C21orf58: variants seen among roughly 807,000 people sequenced by gnomAD.
The protein encoded by C21orf58 is uncharacterized protein C21orf58.
In C21orf58, 34 loss-of-function variants were observed where a neutral mutation model predicts 35.8. That is an observed-to-expected ratio of 0.95 (90% CI 0.72 to 1.26). The LOEUF (loss-of-function observed/expected upper bound fraction) is 1.26. Ranked by LOEUF, C21orf58 falls within the 50% of genes most tolerant of loss-of-function variation. C21orf58 has a pLI of 0.00. For missense variants in C21orf58, 440 were observed against 414.3 expected (o/e 1.06, Z -0.54); for synonymous variants, 191 against 175.8 (o/e 1.09, Z -0.68).
chr21:46,318,782 C>T (rs1022397392), intron 1 of C21orf58: 51 of 988,308 alleles, frequency 5.2e-5, no homozygotes, highest in Admixed American at 6.0e-5. Context: ...GGATATGTCC[C>T]ACCTTGGGGC....
chr21:46,300,899 A>C (rs947010791), downstream of C21orf58: 4 of 961,168 alleles, frequency 4.2e-6, no homozygotes, highest in African/African-American at 6.9e-5. Flanking sequence ...AGTAACAAAA[A>C]GTAAAGAAAA....
At chr21:46,302,360 C>CA in intron 7 of C21orf58, 125 bp downstream of exon 7, 1 of 1,084,042 alleles carries the variant, frequency 9.2e-7, no homozygotes, top group Non-Finnish European at 1.3e-6. Context: ...GGGGGCTTCA[C>CA]AGCCAGACTG....
rs150663206 is a variant in C21orf58 at position 46,306,377 on chromosome 21, T to A, written c.722-3801A>T. Among the ~76,000 whole-genome samples the A allele has an allele frequency of 8.1e-3, 1,238 of 152,130 alleles. 19 individuals carry two copies. The highest frequency in any genetic ancestry group is 0.028 in the African/African-American group (1,171 of 41,514). ...AGCTGGGCATGGTGGCACACGCCTG[T>A]AGTCCCAGCTACTTGGGAGGCTGAG... is the stretch of plus-strand genomic sequence containing the variant. On this transcript the variant is annotated intron_variant, in intron 6 of 7. Transcript: ENST00000291691.
At position 46,318,074 on chromosome 21, in the gene C21orf58, TG is replaced by T; in HGVS notation, c.246del (p.Thr83ProfsTer11). 6.2e-7 allele frequency: 1 copy of T among 1,613,330 alleles called. No homozygotes were observed. The highest frequency in any genetic ancestry group is 8.5e-7 in the Non-Finnish European group (1 of 1,179,986). On this transcript the variant is annotated frameshift_variant, in exon 2 of 8. Coordinates refer to ENST00000291691, the MANE Select transcript of C21orf58 (RefSeq NM_058180.5). LOFTEE classifies it high-confidence loss of function. Reference protein sequence around the residue: ...PLPLQSSPAAPTMLDSSAAEQ... With the variant: ...PLPLQSSPAAXTMLDSSAAEQ... Reference sequence around the variant, plus strand: ...TCTGCTGCTGATGAGTCCAGCATGGTGGGAGCTGCAGGAGACGACTGTAGGG... The same window carrying T: ...TCTGCTGCTGATGAGTCCAGCATGGTGGAGCTGCAGGAGACGACTGTAGGG...
rs1258268276 is a variant in C21orf58 at position 46,301,968 on chromosome 21, G to A, written c.*31C>T. On this transcript the variant is annotated 3_prime_UTR_variant, in exon 8 of 8. Coordinates refer to ENST00000291691, the MANE Select transcript of C21orf58 (RefSeq NM_058180.5). ...CCCTGAGGAAGCCTGGGGGTGGAGGGTGCCCCGGCCAGGGTCTCTGTGACT... is the reference window on the plus strand; with the variant it reads ...CCCTGAGGAAGCCTGGGGGTGGAGGATGCCCCGGCCAGGGTCTCTGTGACT... The A allele has an allele frequency of 1.3e-6, 2 of 1,486,128 alleles. No individual in the cohort carries two copies. The highest frequency in any genetic ancestry group is 1.8e-6 in the Non-Finnish European group (2 of 1,118,758). The allele number at this position is 1,486,128 out of a possible 1,614,324, so 92.1% of individuals were successfully genotyped here.
intron 5 of C21orf58, among the ~76,000 whole-genome samples, chr21:46,312,099 C>T (rs796827200): frequency 2.4e-4 from 37 of 152,204 alleles, no homozygotes; most frequent in African/African-American, 8.4e-4. Flanking sequence ...ATCCAACCAG[C>T]CAACCATCTA....
intron 6 of C21orf58, among the ~76,000 whole-genome samples, chr21:46,310,482 C>CAA (rs1569126386): frequency 1.6e-5 from 2 of 126,748 alleles, no homozygotes; most frequent in African/African-American, 7.6e-5. Context: ...TGTCTCAGAA[C>CAA]AAAAAAAATA....
At chr21:46,315,103 C>T in intron 4 of C21orf58, 1 of 1,320,760 alleles carries the variant, frequency 7.6e-7, no homozygotes, top group Non-Finnish European at 1.0e-6. Flanking sequence ...TTTTTCCAGC[C>T]CCAGGGTCTG....
intron 5 of C21orf58, among the ~76,000 whole-genome samples, chr21:46,313,846 T>C (rs527781126): frequency 6.6e-6 from 1 of 152,270 alleles, no homozygotes; most frequent in East Asian, 1.9e-4. Flanking sequence ...TCTGCTGCCC[T>C]GTCTAGAAAT....
In C21orf58 at chr21:46,301,394, G is replaced by A; in HGVS notation, c.*605C>T. 1 of 779,310 alleles carries A rather than the reference G, an allele frequency of 1.3e-6. No homozygotes were observed. The highest frequency in any genetic ancestry group is 1.6e-6 in the Non-Finnish European group (1 of 641,918). 48.3% of individuals were successfully genotyped at this position (779,310 alleles called of 1,614,324 possible). ...ATTCCTGAGCTCAAGTGATCCTCCT[G>A]CCTCAGCCTCTTAAAGTGCTGGGAT... is the stretch of plus-strand genomic sequence containing the variant. On this transcript the variant is annotated 3_prime_UTR_variant, in exon 8 of 8. Transcript: ENST00000291691.
chr21:46,300,604 G>C, downstream of C21orf58: 1 of 1,163,726 alleles, frequency 8.6e-7, no homozygotes, highest in Non-Finnish European at 1.1e-6. Context: ...GTTACTGCCA[G>C]TAGCTGCGCT....
chr21:46,308,229 G>A (rs562390695), intron 6 of C21orf58, among the ~76,000 whole-genome samples: 83 of 152,128 alleles, frequency 5.5e-4, no homozygotes, highest in Non-Finnish European at 9.0e-4. Context: ...TTGGGAGGCC[G>A]AAGGGGGCAG....
chr21:46,315,294 AG>A, intron 4 of C21orf58, 179 bp downstream of exon 4: 1 of 600,046 alleles, frequency 1.7e-6, no homozygotes. Flanking sequence ...CAACATTTCC[AG>A]TCCTGATGGA....
At chr21:46,321,070 TTA>T (rs1008867601) in intron 1 of C21orf58, among the ~76,000 whole-genome samples, 82 of 152,054 alleles carry the variant, frequency 5.4e-4, no homozygotes, top group African/African-American at 2.0e-3. Flanking sequence ...AGTTTTAGAT[TTA>T]GAGTAATTGA....
In C21orf58 at chr21:46,323,839, C is replaced by A. The variant is rs2083260227; in HGVS notation, c.-1101G>T. On this transcript the variant is annotated 5_prime_UTR_variant, in exon 1 of 8. Transcript: ENST00000291691. The stretch of plus-strand genomic sequence containing the variant: ...CCTGGTGGACACAAAGCCCAGGGGC[C>A]GCCCGCGCGGGACCAGCAGCGCGAA... 1 of 364,472 alleles carries A rather than the reference C, an allele frequency of 2.7e-6. No individual in the cohort carries two copies. The highest frequency in any genetic ancestry group is 2.2e-5 in the South Asian group (1 of 44,620). 22.6% of individuals were successfully genotyped at this position (364,472 alleles called of 1,614,324 possible).
chr21:46,313,951 C>T (rs1056193818), intron 5 of C21orf58, among the ~76,000 whole-genome samples: 2 of 152,182 alleles, frequency 1.3e-5, no homozygotes, highest in Non-Finnish European at 2.9e-5. Context: ...TTCCATCCCA[C>T]CTCTGGGTGC....
chr21:46,304,799 G>A (rs2082338736), intron 6 of C21orf58, among the ~76,000 whole-genome samples: 1 of 152,214 alleles, frequency 6.6e-6, no homozygotes, highest in Non-Finnish European at 1.5e-5. Flanking sequence ...GGAATCTTGA[G>A]CGGGGACGGA....
At position 46,323,818 on chromosome 21, in the gene C21orf58, G is replaced by A. The variant is rs958359928; in HGVS notation, c.-1080C>T. The A allele has an allele frequency of 3.5e-5, 12 of 338,816 alleles. No homozygotes were observed. Among genetic ancestry groups the A allele is most frequent in the Non-Finnish European group, 5.1e-5 (9 of 176,174 alleles). 21.0% of individuals were successfully genotyped at this position (338,816 alleles called of 1,614,324 possible). On this transcript the variant is annotated 5_prime_UTR_variant, in exon 1 of 8. Transcript: ENST00000291691. ...GCAGGGAGCCCGGCCCGCTGTCCTG[G>A]TGGACACAAAGCCCAGGGGCCGCCC...
At chr21:46,313,127 G>C in intron 5 of C21orf58, 1 of 913,102 alleles carries the variant, frequency 1.1e-6, no homozygotes, top group Non-Finnish European at 1.3e-6. Flanking sequence ...AGGACACACC[G>C]TCAGCTCTTG....
Sources: allele counts gnomAD v4.1 joint callset (sites outside exome capture counted in the v4.1 genomes callset), GRCh38; gene constraint gnomAD v4.1.1; transcripts MANE v1.5; gene names NCBI Gene and HGNC (gene_info 2026-07-23, HGNC 2026-07-21).